The following TPRA1 variants were observed in gnomAD, a reference collection of about 807,000 sequenced individuals.
The protein encoded by TPRA1 is transmembrane protein adipocyte-associated 1.
TPRA1 carries 28 observed loss-of-function variants against 40.1 expected under a neutral mutation model. That is an observed-to-expected ratio of 0.70 (90% CI 0.52 to 0.96). The LOEUF is 0.96. TPRA1 is among the 40% of genes least tolerant of loss of function. TPRA1 has a pLI of 0.00. For synonymous variants in TPRA1, 219 were observed against 209.7 expected (o/e 1.04, Z -0.38); for missense variants, 441 against 482.6 (o/e 0.91, Z 0.81).
chr3:127,579,792 C>T lies in TPRA1; in HGVS notation c.206G>A (p.Arg69Gln), dbSNP rs754759656. 56 of 1,613,968 alleles carry T rather than the reference C, an allele frequency of 3.5e-5. No individual in the cohort carries two copies. The highest frequency in any genetic ancestry group is 4.7e-5 in the Non-Finnish European group (55 of 1,180,030). The change falls in exon 3 of 11, where the codon CGG (arginine) becomes CAG (glutamine). Residue 69 changes from arginine (R) to glutamine (Q), a missense_variant. Transcript: ENST00000355552. ...GCTGGAGGTGATGCGGATCTTCGCC[C>T]GAGCAGATGGAAGCTTCCAGAGCAG... ...IFLLWKLPSA[R>Q]AKIRITSSPI...
At chr3:127,593,758 G>A (rs1002424594), upstream of TPRA1, among the ~76,000 whole-genome samples, 1 of 152,208 alleles carries the variant, frequency 6.6e-6, no homozygotes, top group Non-Finnish European at 1.5e-5. Context: ...CAGCCAAGTG[G>A]TAGCCCTGAC....
intron 1 of TPRA1, among the ~76,000 whole-genome samples, chr3:127,584,524 A>AGGT (rs1038936001): frequency 2.1e-5 from 3 of 144,240 alleles, no homozygotes; most frequent in African/African-American, 7.5e-5. Flanking sequence ...GAAAACAGAG[A>AGGT]GGTGGAGCAG....
rs2073472806 is a variant in TPRA1, at chr3:127,573,902, A to G, written c.855-114T>C. ...GAAGGAATTGACCAACAGTCGCCTG[A>G]CACCCACTCTGAGTGGGCCTGTGAG... On this transcript the variant is annotated intron_variant, in intron 10 of 10. Transcript: ENST00000355552. 2.9e-6 allele frequency: 4 copies of G among 1,360,156 alleles called. No homozygotes were observed. The African/African-American group carries it at 5.9e-5, about 20-fold the overall frequency. The allele number at this position is 1,360,156 out of a possible 1,614,324, so 84.3% of individuals were successfully genotyped here. A position where few individuals can be genotyped will look rare whatever the true frequency, so the allele number is the denominator to read the frequency against.
At chr3:127,583,609 G>A (rs1043006542) in intron 1 of TPRA1, among the ~76,000 whole-genome samples, 6 of 151,682 alleles carry the variant, frequency 4.0e-5, no homozygotes, top group African/African-American at 1.5e-4. Context: ...TAGATCCTAA[G>A]AAAGAAGATG....
upstream of TPRA1, chr3:127,594,873 G>A (rs893990133): frequency 1.3e-5 from 2 of 152,506 alleles, no homozygotes; most frequent in Non-Finnish European, 2.9e-5. Flanking sequence ...CCAGAATGGG[G>A]AGGAGACTTG....
At chr3:127,588,248 C>A (rs1214224050) in intron 1 of TPRA1, 1 of 152,294 alleles carries the variant, frequency 6.6e-6, no homozygotes, top group Admixed American at 6.5e-5. Flanking sequence ...CATGCAGATG[C>A]TGCTCCCAAG....
intron 1 of TPRA1, chr3:127,587,068 A>C (rs1382801017): frequency 6.6e-6 from 1 of 152,264 alleles, no homozygotes; most frequent in South Asian, 2.1e-4. Flanking sequence ...CTGTGATCTA[A>C]GTCTGGCTAG....
chr3:127,587,281 G>A (rs1038479158), intron 1 of TPRA1: 3 of 152,168 alleles, frequency 2.0e-5, no homozygotes, highest in East Asian at 1.9e-4. Context: ...TAAAGCCGAC[G>A]CGGAGGAGTG....
Position 127,571,758 on chromosome 3 carries a change from C to A in TPRA1, c.*1763G>T, listed in dbSNP as rs2073382206. ...GCCACACAGGGAGATTTATCGTTCA[C>A]CAAATACCCTCCTGTACTGCATGAA... On this transcript the variant is annotated 3_prime_UTR_variant, in exon 11 of 11. Transcript: ENST00000355552. 1 of 152,204 alleles carries A rather than the reference C, an allele frequency of 6.6e-6. No homozygotes were observed. Among genetic ancestry groups the A allele is most frequent in the African/African-American group, 2.4e-5 (1 of 41,450 alleles). 9.4% of individuals were successfully genotyped at this position (152,204 alleles called of 1,614,324 possible). A position where few individuals can be genotyped will look rare whatever the true frequency, so the allele number is the denominator to read the frequency against.
chr3:127,577,089 G>A lies in TPRA1; in HGVS notation c.259-13C>T, dbSNP rs749480758. 2 of 1,612,886 alleles carry A rather than the reference G, an allele frequency of 1.2e-6. No individual in the cohort carries two copies. Among genetic ancestry groups the A allele is most frequent in the East Asian group, 2.2e-5 (1 of 44,890 alleles). ...CCACCACAAACACCTGGTGGGCAAG[G>A]GAGTGGTGTGGCAGTCAGGGAACAA... On this transcript the variant is annotated splice_polypyrimidine_tract_variant and intron_variant, in intron 3 of 10. Coordinates refer to ENST00000355552, the MANE Select transcript of TPRA1 (RefSeq NM_001136053.4).
chr3:127,575,055 T>G (rs527853323), intron 10 of TPRA1, 130 bp downstream of exon 10: 2 of 959,008 alleles, frequency 2.1e-6, no homozygotes, highest in Non-Finnish European at 3.1e-6. Flanking sequence ...CCCAAGTGCA[T>G]GTATGTATGT....
At chr3:127,575,068 G>C in intron 10 of TPRA1, 117 bp downstream of exon 10, 1 of 1,099,214 alleles carries the variant, frequency 9.1e-7, no homozygotes. Flanking sequence ...ATGTATGTGC[G>C]TGCGCATGCG....
At chr3:127,578,028 T>C (rs1166830516) in intron 3 of TPRA1, among the ~76,000 whole-genome samples, 1 of 152,126 alleles carries the variant, frequency 6.6e-6, no homozygotes, top group Non-Finnish European at 1.5e-5. Context: ...GAGTGGGAGA[T>C]GGAGATGGTG....
intron 1 of TPRA1, among the ~76,000 whole-genome samples, chr3:127,583,993 A>G (rs1254537028): frequency 6.6e-6 from 1 of 151,920 alleles, no homozygotes; most frequent in African/African-American, 2.4e-5. Context: ...TTTGCTCAGC[A>G]GACCTTAACT....
At chr3:127,594,829 T>G (rs2074226084), upstream of TPRA1, 1 of 152,324 alleles carries the variant, frequency 6.6e-6, no homozygotes, top group Non-Finnish European at 1.5e-5. Context: ...ATGGAGCCCT[T>G]GAGGATGAAA....
chr3:127,575,012 G>A, intron 10 of TPRA1, 173 bp downstream of exon 10: 1 of 689,550 alleles, frequency 1.5e-6, no homozygotes, highest in Non-Finnish European at 2.5e-6. Flanking sequence ...GCGTATATCT[G>A]TGTGCATGTG....
At chr3:127,590,064 G>A (rs1022165344) in intron 1 of TPRA1, among the ~76,000 whole-genome samples, 1 of 152,204 alleles carries the variant, frequency 6.6e-6, no homozygotes, top group African/African-American at 2.4e-5. Context: ...CGTGGGGCTG[G>A]AGCCCGTGCC....
At chr3:127,575,319 C>T (rs1481593141) in intron 9 of TPRA1, 54 bp from the exon 10 acceptor site, 9 of 1,589,656 alleles carry the variant, frequency 5.7e-6, no homozygotes, top group Non-Finnish European at 7.7e-6. Flanking sequence ...TGACTCCACA[C>T]CTCCCCATGC....
Position 127,577,700 on chromosome 3 carries a change from C to T in TPRA1, c.259-624G>A, listed in dbSNP as rs1178924367. On this transcript the variant is annotated intron_variant, in intron 3 of 10. Transcript: ENST00000355552. ...CTCAGCATCTGTGGTGCTTATCGGC[C>T]TGGTATATCCATCCCCTTCCTCTCC... Among the ~76,000 whole-genome samples the T allele has an allele frequency of 2.6e-5, 4 of 152,104 alleles. No individual in the cohort carries two copies. In the East Asian group the frequency reaches 5.8e-4, roughly 22 times the overall value.
Sources: allele counts gnomAD v4.1 joint callset (sites outside exome capture counted in the v4.1 genomes callset), GRCh38; gene constraint gnomAD v4.1.1; transcripts MANE v1.5; gene names NCBI Gene and HGNC (gene_info 2026-07-23, HGNC 2026-07-21).